Variants in HPCAL1 observed in about 807,000 individuals in gnomAD.
HPCAL1 encodes the protein hippocalcin like 1, also known as hippocalcin-like protein 1.
A neutral mutation model predicts 17.1 loss-of-function variants in HPCAL1; 8 were observed. The observed-to-expected ratio is 0.47, with a 90% CI of 0.27 to 0.84. HPCAL1 has a LOEUF of 0.84. Ranked by LOEUF, HPCAL1 falls within the 40% of genes least tolerant of loss-of-function variation. The pLI is 0.13. For synonymous variants in HPCAL1, 112 were observed against 111.4 expected (o/e 1.01, Z -0.03); for missense variants, 165 against 271.1 (o/e 0.61, Z 2.75).
At chr2:10,333,270 C>T (rs1664502114) in intron 1 of HPCAL1, among the ~76,000 whole-genome samples, 1 of 152,214 alleles carries the variant, frequency 6.6e-6, no homozygotes, top group African/African-American at 2.4e-5. Context: ...CAGGTGGTCA[C>T]AGTGAATTGT....
rs1663820231 is a variant in HPCAL1, at chr2:10,323,795, T to C, written c.-111+20618T>C. Among the ~76,000 whole-genome samples the C allele has an allele frequency of 6.6e-6, 1 of 152,204 alleles. No individual in the cohort carries two copies. Among genetic ancestry groups the C allele is most frequent in the Non-Finnish European group, 1.5e-5 (1 of 68,048 alleles). The stretch of plus-strand genomic sequence containing the variant: ...GATTCTTCCAGGCACTGGGGAGACA[T>C]TTAAAAAACAATAACAACAACAACA... On this transcript the variant is annotated intron_variant, in intron 1 of 4. Transcript: ENST00000307845. This position sits in a 1 kb window ranked among gnomAD's most constrained non-coding sequence, Gnocchi z 4.6.
intron 2 of HPCAL1, among the ~76,000 whole-genome samples, chr2:10,414,023 G>T (rs1367940150): frequency 1.3e-5 from 2 of 152,258 alleles, no homozygotes; most frequent in East Asian, 3.8e-4. Flanking sequence ...TGCAAGGCCT[G>T]GGGAGGAGGC....
In HPCAL1 at chr2:10,424,461, T is replaced by C. The variant is rs1205495443; in HGVS notation, c.484+1373T>C. 3 of 468,028 alleles carry C rather than the reference T, an allele frequency of 6.4e-6. No individual in the cohort carries two copies. In the Admixed American group the frequency reaches 7.1e-5, roughly 11 times the overall value. 29.0% of individuals were successfully genotyped at this position (468,028 alleles called of 1,614,324 possible). ...GGGTTGTGAGGTTTCAGCGAGATGA[T>C]GCCTTAAAGCTTTTAGCAGGGCTTG... On this transcript the variant is annotated intron_variant, in intron 4 of 4. Coordinates refer to ENST00000307845, the MANE Select transcript of HPCAL1 (RefSeq NM_002149.4).
chr2:10,398,338 A>G (rs1345289608), intron 2 of HPCAL1, among the ~76,000 whole-genome samples: 1 of 152,130 alleles, frequency 6.6e-6, no homozygotes, highest in Admixed American at 6.5e-5. Flanking sequence ...AAAGTCTGGA[A>G]TTTTCTTGGC....
chr2:10,412,515 C>G (rs62130190), intron 2 of HPCAL1, among the ~76,000 whole-genome samples: 35,977 of 152,144 alleles, frequency 0.24, 4,544 homozygotes, highest in South Asian at 0.41. Context: ...GCTGCCCTGA[C>G]AGTTATGGAG....
intron 1 of HPCAL1, among the ~76,000 whole-genome samples, chr2:10,312,146 CCATCAT>C (rs551439908): frequency 6.6e-6 from 1 of 150,730 alleles, no homozygotes; most frequent in Non-Finnish European, 1.5e-5. Context: ...TTCTCCATCA[CCATCAT>C]CATCATCACT....
At position 10,383,824 on chromosome 2, in the gene HPCAL1, G is replaced by T. The variant is rs116460211; in HGVS notation, c.-110-13011G>T. Reference sequence around the variant, plus strand: ...TGTGCGGGGAAGGGGGGGCTGTCCTGTGCATTGTGGGGTATTGAGCAGTAT... The same window carrying T: ...TGTGCGGGGAAGGGGGGGCTGTCCTTTGCATTGTGGGGTATTGAGCAGTAT... On this transcript the variant is annotated intron_variant, in intron 1 of 4. Coordinates refer to ENST00000307845, the MANE Select transcript of HPCAL1 (RefSeq NM_002149.4). Among the ~76,000 whole-genome samples, 404 of 152,224 alleles carry T rather than the reference G, an allele frequency of 2.7e-3. 1 individual carries two copies. Among genetic ancestry groups the T allele is most frequent in the African/African-American group, 9.1e-3 (378 of 41,522 alleles).
At chr2:10,406,088 G>A (rs1359705817) in intron 2 of HPCAL1, among the ~76,000 whole-genome samples, 1 of 152,184 alleles carries the variant, frequency 6.6e-6, no homozygotes, top group Admixed American at 6.5e-5. Flanking sequence ...TCATCAACAT[G>A]CGTTCTCCTA....
chr2:10,410,239 G>A (rs1012925552), intron 2 of HPCAL1, among the ~76,000 whole-genome samples: 5 of 152,138 alleles, frequency 3.3e-5, no homozygotes, highest in South Asian at 2.1e-4. Flanking sequence ...AACCAATGCC[G>A]TCAGCCGGCA....
intron 2 of HPCAL1, among the ~76,000 whole-genome samples, chr2:10,404,115 G>C (rs1416588575): frequency 1.3e-5 from 2 of 152,170 alleles, no homozygotes; most frequent in African/African-American, 4.8e-5. Flanking sequence ...CACCAGCCCA[G>C]AGGTTTGTAG....
At chr2:10,322,905 A>T (rs557288880) in intron 1 of HPCAL1, among the ~76,000 whole-genome samples, 33 of 152,278 alleles carry the variant, frequency 2.2e-4, no homozygotes, top group African/African-American at 7.0e-4. Flanking sequence ...TGCATTCCTC[A>T]TTGATGGAAT....
chr2:10,362,913 A>G lies in HPCAL1; in HGVS notation c.-110-33922A>G, dbSNP rs1429190682. On this transcript the variant is annotated intron_variant, in intron 1 of 4. Transcript: ENST00000307845. The surrounding 1 kb of genome is among the most constrained non-coding windows in gnomAD (Gnocchi z 5.0). Reference sequence around the variant, plus strand: ...CCTCAGAGGACAGTCGGACTGGGGAATCCCTGGCCCAGAGAGGGAAACTGG... The same window carrying G: ...CCTCAGAGGACAGTCGGACTGGGGAGTCCCTGGCCCAGAGAGGGAAACTGG... 1.3e-5 allele frequency among the ~76,000 whole-genome samples: 2 copies of G among 152,192 alleles called. No homozygotes were observed. The highest frequency in any genetic ancestry group is 1.5e-5 in the Non-Finnish European group (1 of 68,040).
rs6716188 is a variant in HPCAL1, at chr2:10,330,888, G to T, written c.-111+27711G>T. Among the ~76,000 whole-genome samples the T allele has an allele frequency of 6.6e-6, 1 of 152,048 alleles. No individual in the cohort carries two copies. The highest frequency in any genetic ancestry group is 1.5e-5 in the Non-Finnish European group (1 of 67,996). On this transcript the variant is annotated intron_variant, in intron 1 of 4. Transcript: ENST00000307845. This position sits in a 1 kb window ranked among gnomAD's most constrained non-coding sequence, Gnocchi z 4.2. Reference sequence around the variant, plus strand: ...GAATGCAGGTTCCCAGGCCCACACCGTGCTGGTTGAGTCAGAGCTTCTGGG... The same window carrying T: ...GAATGCAGGTTCCCAGGCCCACACCTTGCTGGTTGAGTCAGAGCTTCTGGG...
In HPCAL1 at chr2:10,419,911, T is replaced by C; in HGVS notation, c.154T>C (p.Tyr52His). Residue 52 changes from tyrosine to histidine, a missense_variant, in exon 3 of 5, where the codon TAC (tyrosine) becomes CAC (histidine). Coordinates refer to ENST00000307845, the MANE Select transcript of HPCAL1 (RefSeq NM_002149.4). The surrounding 1 kb of genome is among the most constrained non-coding windows in gnomAD (Gnocchi z 5.0). ...HLTVDEFKKI[Y>H]ANFFPYGDAS... ...GACCGTGGACGAGTTCAAGAAGATC[T>C]ACGCCAACTTCTTCCCCTACGGCGA... 1.2e-6 allele frequency: 2 copies of C among 1,613,864 alleles called. No homozygotes were observed. The highest frequency in any genetic ancestry group is 1.7e-6 in the Non-Finnish European group (2 of 1,179,978).
chr2:10,370,891 G>T (rs2125510430), intron 1 of HPCAL1, among the ~76,000 whole-genome samples: 1 of 152,316 alleles, frequency 6.6e-6, no homozygotes. Flanking sequence ...TCATCTCCAA[G>T]CTAAGGGGGC....
At chr2:10,314,110 G>T (rs1192807705) in intron 1 of HPCAL1, among the ~76,000 whole-genome samples, 2 of 151,538 alleles carry the variant, frequency 1.3e-5, no homozygotes, top group East Asian at 3.9e-4. Context: ...CTCCAGCCTG[G>T]GTGACAGAGC....
chr2:10,378,738 A>G (rs1003941485), intron 1 of HPCAL1, among the ~76,000 whole-genome samples: 2 of 152,168 alleles, frequency 1.3e-5, no homozygotes, highest in Non-Finnish European at 2.9e-5. Flanking sequence ...GTCCATGACC[A>G]CATTGCATGT....
intron 3 of HPCAL1, among the ~76,000 whole-genome samples, chr2:10,421,495 G>GT (rs1422286567): frequency 6.6e-6 from 1 of 152,122 alleles, no homozygotes; most frequent in Non-Finnish European, 1.5e-5. Context: ...GAGCCCGGGA[G>GT]TTTGAGACCA....
chr2:10,419,176 A>C lies in HPCAL1; in HGVS notation c.-24-558A>C, dbSNP rs1218462753. 6.8e-6 allele frequency among the ~76,000 whole-genome samples: 1 copy of C among 147,530 alleles called. No homozygotes were observed. The highest frequency in any genetic ancestry group is 3.7e-4 in the East Asian group (1 of 2,718). ...CAGTGAGCTGTGATCCTGCTACTGC[A>C]CTGCAGCCTGGGCGACAAGAGCAAA... is the stretch of plus-strand genomic sequence containing the variant. On this transcript the variant is annotated intron_variant, in intron 2 of 4. Transcript: ENST00000307845. This position sits in a 1 kb window ranked among gnomAD's most constrained non-coding sequence, Gnocchi z 5.0.
Sources: allele counts gnomAD v4.1 joint callset (sites outside exome capture counted in the v4.1 genomes callset), GRCh38; gene constraint gnomAD v4.1.1; non-coding constraint Gnocchi (gnomAD v3.1); transcripts MANE v1.5; gene names NCBI Gene and HGNC (gene_info 2026-07-23, HGNC 2026-07-21).